The following CARS1 variants were observed in gnomAD, a reference collection of about 807,000 sequenced individuals.
The protein encoded by CARS1 is cysteinyl-tRNA synthetase 1, also known as cysteine--tRNA ligase, cytoplasmic.
In CARS1, 48 loss-of-function variants were observed where a neutral mutation model predicts 106.2. That is an observed-to-expected ratio of 0.45 (90% CI 0.36 to 0.57). CARS1 has a LOEUF of 0.57. CARS1 is among the 20% of genes least tolerant of loss of function. CARS1 has a pLI of 0.00. For synonymous variants in CARS1, 409 were observed against 403.4 expected (o/e 1.01, Z -0.17); for missense variants, 968 against 1,057.2 (o/e 0.92, Z 1.17).
intron 1 of CARS1, among the ~76,000 whole-genome samples, chr11:3,051,628 G>A (rs1855706998): frequency 6.6e-6 from 1 of 152,194 alleles, no homozygotes; most frequent in African/African-American, 2.4e-5. Context: ...CTCTGCAGCT[G>A]CCAGCAGGGG....
intron 7 of CARS1, among the ~76,000 whole-genome samples, chr11:3,036,629 T>C (rs536010632): frequency 6.6e-6 from 1 of 152,272 alleles, no homozygotes; most frequent in South Asian, 2.1e-4. Flanking sequence ...ACGCAGAATA[T>C]CAAAAATAGA....
At chr11:3,002,998 T>C (rs1849536227) in intron 20 of CARS1, among the ~76,000 whole-genome samples, 1 of 152,108 alleles carries the variant, frequency 6.6e-6, no homozygotes, top group African/African-American at 2.4e-5. Context: ...GAGTGGGTCT[T>C]GGGGTACCTG....
intron 18 of CARS1, among the ~76,000 whole-genome samples, chr11:3,010,320 C>T (rs114798834): frequency 0.02 from 3,051 of 152,282 alleles, 102 homozygotes; most frequent in African/African-American, 0.07. Flanking sequence ...GCTCGGCCTT[C>T]GATGTCCCCC....
At position 3,053,172 on chromosome 11, in the gene CARS1, T is replaced by G. The variant is rs1855865475; in HGVS notation, c.25+4171A>C. On this transcript the variant is annotated intron_variant, in intron 1 of 22. Coordinates refer to ENST00000380525, the MANE Select transcript of CARS1 (RefSeq NM_001014437.3). This position sits in a 1 kb window ranked among gnomAD's most constrained non-coding sequence, Gnocchi z 6.6. The stretch of plus-strand genomic sequence containing the variant: ...GTCAAACAACTGTGGCAGTGCGACC[T>G]CTCCCTCTCTCTGGCTCTTTCCTAT... 6.6e-6 allele frequency among the ~76,000 whole-genome samples: 1 copy of G among 152,234 alleles called. No homozygotes were observed. The highest frequency in any genetic ancestry group is 2.4e-5 in the African/African-American group (1 of 41,462).
intron 16 of CARS1, 147 bp from the exon 17 acceptor site, chr11:3,015,996 A>G: frequency 1.4e-6 from 1 of 698,028 alleles, no homozygotes; most frequent in East Asian, 2.7e-5. Context: ...GAGCCCCAGA[A>G]ACCCGAGCCT....
intron 7 of CARS1, among the ~76,000 whole-genome samples, chr11:3,032,069 T>G (rs1216758434): frequency 5.2e-5 from 5 of 95,954 alleles, no homozygotes; most frequent in African/African-American, 1.5e-4. Context: ...CCTCCTTCCT[T>G]CCTTCCTTCC....
chr11:3,034,797 G>A lies in CARS1; in HGVS notation c.801+3253C>T, dbSNP rs1417267618. Among the ~76,000 whole-genome samples, 2 of 152,082 alleles carry A rather than the reference G, an allele frequency of 1.3e-5. No homozygotes were observed. The highest frequency in any genetic ancestry group is 2.9e-5 in the Non-Finnish European group (2 of 68,018). ...GATCTGCCCACCTCAGCCTCCCAAA[G>A]TGCTGGGATTACAGGCATGAGCCAC... is the stretch of plus-strand genomic sequence containing the variant. On this transcript the variant is annotated intron_variant, in intron 7 of 22. Transcript: ENST00000380525. The surrounding 1 kb of genome is among the most constrained non-coding windows in gnomAD (Gnocchi z 6.3).
intron 21 of CARS1, 141 bp downstream of exon 21, chr11:3,002,400 T>G: frequency 6.8e-7 from 1 of 1,473,894 alleles, no homozygotes; most frequent in East Asian, 2.3e-5. Flanking sequence ...CCTTGGGTGG[T>G]GGAGGCAGAA....
In CARS1 at chr11:3,021,690, T is replaced by C. The variant is rs1017566719; in HGVS notation, c.1154-1358A>G. Among the ~76,000 whole-genome samples, 1 of 152,260 alleles carries C rather than the reference T, an allele frequency of 6.6e-6. No homozygotes were observed. Among genetic ancestry groups the C allele is most frequent in the African/African-American group, 2.4e-5 (1 of 41,468 alleles). On this transcript the variant is annotated intron_variant, in intron 10 of 22. Coordinates refer to ENST00000380525, the MANE Select transcript of CARS1 (RefSeq NM_001014437.3). This position sits in a 1 kb window ranked among gnomAD's most constrained non-coding sequence, Gnocchi z 5.3. ...GGAATTACTACTGTTACCATTTTGG[T>C]ATACTGATTCCCAGATTAAAAAACA... is the stretch of plus-strand genomic sequence containing the variant.
intron 7 of CARS1, among the ~76,000 whole-genome samples, chr11:3,035,511 G>C (rs1172449408): frequency 6.6e-6 from 1 of 152,044 alleles, no homozygotes; most frequent in Non-Finnish European, 1.5e-5. Context: ...TAAGAGTCTG[G>C]GTCTCACTCT....
chr11:3,011,398 G>A (rs1850435818), intron 18 of CARS1, among the ~76,000 whole-genome samples: 1 of 151,320 alleles, frequency 6.6e-6, no homozygotes, highest in Non-Finnish European at 1.5e-5. Context: ...GAGGTCAGGA[G>A]ATCGAGACCA....
rs1854874982 is a variant in CARS1, at chr11:3,044,475, C to T, written c.275-2219G>A. Among the ~76,000 whole-genome samples, 1 of 151,804 alleles carries T rather than the reference C, an allele frequency of 6.6e-6. No homozygotes were observed. Among genetic ancestry groups the T allele is most frequent in the Admixed American group, 6.6e-5 (1 of 15,260 alleles). ...GCACTGGCGCAATCTCAACTCACTG[C>T]AACCTCCGCCTCCTGAGTTCAAGCG... On this transcript the variant is annotated intron_variant, in intron 2 of 22. Transcript: ENST00000380525. This position sits in a 1 kb window ranked among gnomAD's most constrained non-coding sequence, Gnocchi z 4.4.
At position 3,034,643 on chromosome 11, in the gene CARS1, C is replaced by T. The variant is rs1035740173; in HGVS notation, c.801+3407G>A. ...CTCCCTGGTTCAAGGGATTCTCCCA[C>T]CTCAGCCTCCCAAGTAGCTGGGATT... On this transcript the variant is annotated intron_variant, in intron 7 of 22. Transcript: ENST00000380525. The surrounding 1 kb of genome is among the most constrained non-coding windows in gnomAD (Gnocchi z 6.3). 6.6e-6 allele frequency among the ~76,000 whole-genome samples: 1 copy of T among 152,184 alleles called. No homozygotes were observed. The highest frequency in any genetic ancestry group is 3.2e-3 in the Middle Eastern group (1 of 316).
In CARS1 at chr11:3,043,368, G is replaced by C. The variant is rs573011132; in HGVS notation, c.275-1112C>G. On this transcript the variant is annotated intron_variant, in intron 2 of 22. Coordinates refer to ENST00000380525, the MANE Select transcript of CARS1 (RefSeq NM_001014437.3). The surrounding 1 kb of genome is among the most constrained non-coding windows in gnomAD (Gnocchi z 4.0). The stretch of plus-strand genomic sequence containing the variant: ...CCTGGTGACTTTCCCGTTGCCCTCA[G>C]CCGGCTCCTGCCTGCCCTGCCCCCT... 6.6e-4 allele frequency among the ~76,000 whole-genome samples: 101 copies of C among 152,122 alleles called. No individual in the cohort carries two copies. Among genetic ancestry groups the C allele is most frequent in the African/African-American group, 2.3e-3 (94 of 41,514 alleles).
In CARS1 at chr11:3,001,143, G is replaced by T. The variant is rs572286734; in HGVS notation, c.2467C>A (p.Gln823Lys). The T allele has an allele frequency of 3.6e-5, 58 of 1,614,084 alleles. No homozygotes were observed. In the African/African-American group the frequency reaches 4.9e-4, roughly 14 times the overall value. Residue 823 changes from glutamine to lysine, a missense_variant, in exon 23 of 23, where the codon CAG becomes AAG. Physicochemically the swap from Gln to Lys is moderately conservative, Grantham distance 53. Coordinates refer to ENST00000380525, the MANE Select transcript of CARS1 (RefSeq NM_001014437.3). ...TGGAAGCTTCCATTCTGGGCCATCT[G>T]CAGATATTCCTTGTAGAGCTTCTCC... The part of the protein sequence containing the change: ...AQEKLYKEYL[Q>K]MAQNGSFQ
Position 3,008,962 on chromosome 11 carries a change from GAT to G in CARS1, c.2069-2005_2069-2004del, listed in dbSNP as rs1850178726. The G allele has an allele frequency of 6.6e-6, 1 of 152,330 alleles. No homozygotes were observed. Among genetic ancestry groups the G allele is most frequent in the East Asian group, 1.9e-4 (1 of 5,192 alleles). 9.4% of individuals were successfully genotyped at this position (152,330 alleles called of 1,614,324 possible). ...GCACCCCAGCCCACCCGCCATGGGT[GAT>G]CATCAGAGCAGGCACCAAGAAAGCC... On this transcript the variant is annotated intron_variant, in intron 18 of 22. Coordinates refer to ENST00000380525, the MANE Select transcript of CARS1 (RefSeq NM_001014437.3). This position sits in a 1 kb window ranked among gnomAD's most constrained non-coding sequence, Gnocchi z 5.1.
chr11:3,040,805 T>G lies in CARS1; in HGVS notation c.455+91A>C, dbSNP rs1854345807. On this transcript the variant is annotated intron_variant, in intron 4 of 22. Transcript: ENST00000380525. The surrounding 1 kb of genome is among the most constrained non-coding windows in gnomAD (Gnocchi z 5.8). Reference sequence around the variant, plus strand: ...GTCTCTGTAGCAGATCTAAGATCTTTGTGGACCTAAGATCGCTGCTGTGGA... The same window carrying G: ...GTCTCTGTAGCAGATCTAAGATCTTGGTGGACCTAAGATCGCTGCTGTGGA... The G allele has an allele frequency of 3.8e-6, 5 of 1,301,168 alleles. No homozygotes were observed. Among genetic ancestry groups the G allele is most frequent in the Non-Finnish European group, 5.4e-6 (5 of 923,104 alleles). 80.6% of individuals were successfully genotyped at this position (1,301,168 alleles called of 1,614,324 possible).
At chr11:3,015,529 C>G (rs773297701) in intron 17 of CARS1, among the ~76,000 whole-genome samples, 1 of 152,238 alleles carries the variant, frequency 6.6e-6, no homozygotes, top group South Asian at 2.1e-4. Context: ...GGTCCAAGAC[C>G]AAGCTCATGG....
Position 3,030,857 on chromosome 11 carries a change from A to C in CARS1, c.802-1414T>G, listed in dbSNP as rs1852661359. 6.6e-6 allele frequency: 1 copy of C among 152,254 alleles called. No individual in the cohort carries two copies. Among genetic ancestry groups the C allele is most frequent in the African/African-American group, 2.4e-5 (1 of 41,468 alleles). The allele number at this position is 152,254 out of a possible 1,614,324, so 9.4% of individuals were successfully genotyped here. Reference sequence around the variant, plus strand: ...CAGAGATGAAATCTATTAACAGGCGAAACAGTCTTATCCATCCTACTGAGT... The same window carrying C: ...CAGAGATGAAATCTATTAACAGGCGCAACAGTCTTATCCATCCTACTGAGT... On this transcript the variant is annotated intron_variant, in intron 7 of 22. Transcript: ENST00000380525. The surrounding 1 kb of genome is among the most constrained non-coding windows in gnomAD (Gnocchi z 5.7).
Sources: allele counts gnomAD v4.1 joint callset (sites outside exome capture counted in the v4.1 genomes callset), GRCh38; gene constraint gnomAD v4.1.1; non-coding constraint Gnocchi (gnomAD v3.1); transcripts MANE v1.5; gene names NCBI Gene and HGNC (gene_info 2026-07-23, HGNC 2026-07-21).